Variants in GNB4 observed in about 807,000 individuals in gnomAD.
The protein encoded by GNB4 is G protein subunit beta 4, also known as guanine nucleotide-binding protein subunit beta-4.
A neutral mutation model predicts 45.2 loss-of-function variants in GNB4; 28 were observed. The ratio of observed to expected loss-of-function variants is 0.62; its 90% CI spans 0.46 to 0.85. The LOEUF (loss-of-function observed/expected upper bound fraction) is 0.85. Among genes scored for constraint, GNB4 ranks in the 40% least tolerant of loss-of-function variants. The probability of loss-of-function intolerance (pLI) is 0.00; values close to 1 mark genes in which losing one functional copy is unlikely to be tolerated. For synonymous variants in GNB4, 132 were observed against 143.7 expected, an observed-to-expected ratio of 0.92 and a Z score of 0.58; for missense variants, 321 against 425.4, an observed-to-expected ratio of 0.75 and a Z score of 2.16.
At position 179,399,697 on chromosome 3, in the gene GNB4, T is replaced by A. The variant is rs1171530973; in HGVS notation, c.*1516A>T. On this transcript the variant is annotated 3_prime_UTR_variant, in exon 10 of 10. Coordinates refer to ENST00000232564, the MANE Select transcript of GNB4 (RefSeq NM_021629.4). Reference sequence around the variant, plus strand: ...CACATTCACAACATAAAAACAAAAATTTAGAGGTAAAGTTTGGGAGTATTT... The same window carrying A: ...CACATTCACAACATAAAAACAAAAAATTAGAGGTAAAGTTTGGGAGTATTT... 6.6e-6 allele frequency: 1 copy of A among 152,188 alleles called. No homozygotes were observed. Among genetic ancestry groups the A allele is most frequent in the Middle Eastern group, 3.2e-3 (1 of 316 alleles). 9.4% of individuals were successfully genotyped at this position (152,188 alleles called of 1,614,324 possible).
At chr3:179,489,300 G>T in the GNB4 span, among the ~76,000 whole-genome samples, 1 of 151,320 alleles carries the variant, frequency 6.6e-6, no homozygotes, top group South Asian at 2.1e-4. Flanking sequence ...TTCTCATTAC[G>T]CTTATCTCTG....
the GNB4 span, among the ~76,000 whole-genome samples, chr3:179,511,084 C>A: frequency 6.6e-6 from 1 of 152,118 alleles, no homozygotes; most frequent in Admixed American, 6.5e-5. Context: ...GCAGTTGGGA[C>A]GGTGGAGGCT....
chr3:179,447,580 C>T (rs907866259), intron 1 of GNB4, among the ~76,000 whole-genome samples: 1 of 152,022 alleles, frequency 6.6e-6, no homozygotes, highest in African/African-American at 2.4e-5. Flanking sequence ...CTTTGATTTA[C>T]CTCTTTTAAA....
chr3:179,462,428 A>C, the GNB4 span, among the ~76,000 whole-genome samples: 1 of 152,230 alleles, frequency 6.6e-6, no homozygotes, highest in Admixed American at 6.5e-5. Flanking sequence ...TACTTGAAAG[A>C]ACATGAGCTA....
chr3:179,494,583 G>A, the GNB4 span, among the ~76,000 whole-genome samples: 27 of 151,376 alleles, frequency 1.8e-4, no homozygotes, highest in Admixed American at 1.3e-3. Flanking sequence ...GGGAGGGAGC[G>A]AGGGAAGGAA....
intron 2 of GNB4, among the ~76,000 whole-genome samples, chr3:179,422,943 C>T (rs184805460): frequency 1.3e-5 from 2 of 152,166 alleles, no homozygotes; most frequent in East Asian, 3.9e-4. Flanking sequence ...TAGGTACCCA[C>T]CACCACGCCC....
At chr3:179,519,581 CT>C in the GNB4 span, among the ~76,000 whole-genome samples, 3 of 152,146 alleles carry the variant, frequency 2.0e-5, no homozygotes, top group Non-Finnish European at 2.9e-5. Context: ...TTTATGCACT[CT>C]TTTTTAGTTA....
the GNB4 span, among the ~76,000 whole-genome samples, chr3:179,461,523 G>C: frequency 1.3e-5 from 2 of 151,916 alleles, no homozygotes; most frequent in Non-Finnish European, 2.9e-5. Flanking sequence ...ATGATTTTAG[G>C]CATTAGTATT....
intron 1 of GNB4, among the ~76,000 whole-genome samples, chr3:179,438,230 G>C (rs909599355): frequency 6.6e-6 from 1 of 152,176 alleles, no homozygotes; most frequent in Non-Finnish European, 1.5e-5. Flanking sequence ...AACCTCAGAA[G>C]GTAGGTACCA....
intron 8 of GNB4, among the ~76,000 whole-genome samples, chr3:179,412,479 A>AAAT (rs759657774): frequency 7.6e-4 from 115 of 152,024 alleles, no homozygotes; most frequent in Non-Finnish European, 2.9e-4. Flanking sequence ...CCCTGTCTCT[A>AAAT]AATAATAATA....
the GNB4 span, among the ~76,000 whole-genome samples, chr3:179,495,341 G>A: frequency 5.9e-5 from 9 of 151,822 alleles, no homozygotes; most frequent in African/African-American, 2.2e-4. Context: ...GCCAGGTATG[G>A]TGGCATGTAC....
At chr3:179,472,003 C>A in the GNB4 span, among the ~76,000 whole-genome samples, 3 of 151,744 alleles carry the variant, frequency 2.0e-5, no homozygotes, top group African/African-American at 4.8e-5. Context: ...TTTATAAATA[C>A]AATAATTATA....
At chr3:179,460,600 TTTTTC>T in the GNB4 span, among the ~76,000 whole-genome samples, 4 of 152,314 alleles carry the variant, frequency 2.6e-5, no homozygotes, top group East Asian at 5.8e-4. Flanking sequence ...GATTTGCTCT[TTTTTC>T]TTTTATTTTA....
At chr3:179,473,544 TC>T in the GNB4 span, among the ~76,000 whole-genome samples, 8 of 152,056 alleles carry the variant, frequency 5.3e-5, no homozygotes, top group African/African-American at 1.9e-4. Flanking sequence ...CAAGCAAACT[TC>T]CCACCTCAGC....
intron 1 of GNB4, among the ~76,000 whole-genome samples, chr3:179,433,255 C>A (rs1215826842): frequency 1.3e-5 from 2 of 151,882 alleles, no homozygotes; most frequent in Non-Finnish European, 2.9e-5. Flanking sequence ...ATCAAGCATG[C>A]TATTTAAAAA....
the GNB4 span, among the ~76,000 whole-genome samples, chr3:179,492,887 C>T: frequency 2.6e-5 from 4 of 152,192 alleles, no homozygotes; most frequent in African/African-American, 9.7e-5. Context: ...TCCTTTGCTG[C>T]CACAGCTGGG....
intron 9 of GNB4, among the ~76,000 whole-genome samples, chr3:179,404,336 G>A (rs1028522024): frequency 1.3e-5 from 2 of 152,156 alleles, no homozygotes; most frequent in African/African-American, 4.8e-5. Flanking sequence ...TCTCATCCAT[G>A]ATAATAGGTC....
At chr3:179,422,847 C>A (rs1418827727) in intron 2 of GNB4, among the ~76,000 whole-genome samples, 1 of 152,088 alleles carries the variant, frequency 6.6e-6, no homozygotes, top group Non-Finnish European at 1.5e-5. Context: ...GGCTGGAGTG[C>A]ACTGGCGCCA....
chr3:179,498,762 T>C, the GNB4 span, among the ~76,000 whole-genome samples: 1 of 145,914 alleles, frequency 6.9e-6, no homozygotes, highest in African/African-American at 2.7e-5. Flanking sequence ...TTTTTTTTTT[T>C]TTTTTGCCTC....
Sources: allele counts gnomAD v4.1 joint callset (sites outside exome capture counted in the v4.1 genomes callset), GRCh38; gene constraint gnomAD v4.1.1; transcripts MANE v1.5; gene names NCBI Gene and HGNC (gene_info 2026-07-23, HGNC 2026-07-21).